The following STK39 variants were observed in gnomAD, a reference collection of about 807,000 sequenced individuals.
The protein encoded by STK39 is serine/threonine kinase 39, also known as STE20/SPS1-related proline-alanine-rich protein kinase.
In STK39, 20 loss-of-function variants were observed where a neutral mutation model predicts 77.8. That is an observed-to-expected ratio of 0.26 (90% CI 0.18 to 0.37). The LOEUF (loss-of-function observed/expected upper bound fraction) is 0.37. STK39 is among the 10% of genes least tolerant of loss of function. The pLI is 1.00. For missense variants in STK39, 479 were observed against 656.5 expected, an observed-to-expected ratio of 0.73 and a Z score of 2.95; for synonymous variants, 246 against 234.1, an observed-to-expected ratio of 1.05 and a Z score of -0.47.
intron 5 of STK39, among the ~76,000 whole-genome samples, chr2:168,142,623 C>T (rs1688012284): frequency 6.6e-6 from 1 of 152,082 alleles, no homozygotes; most frequent in South Asian, 2.1e-4. Context: ...TAGAAAACAG[C>T]CGAAAAAGAT....
At chr2:168,025,192 T>C (rs1055536036) in intron 14 of STK39, among the ~76,000 whole-genome samples, 8 of 152,330 alleles carry the variant, frequency 5.3e-5, no homozygotes, top group Middle Eastern at 3.4e-3. Flanking sequence ...TCTCCCTTGA[T>C]GATTAATTCC....
chr2:168,083,445 C>T (rs1424382070), intron 10 of STK39, among the ~76,000 whole-genome samples: 1 of 152,086 alleles, frequency 6.6e-6, no homozygotes, highest in Non-Finnish European at 1.5e-5. Context: ...CTACCAAGTT[C>T]TAGACCAAAG....
chr2:167,973,551 C>T (rs547206997), intron 16 of STK39, among the ~76,000 whole-genome samples: 1 of 152,188 alleles, frequency 6.6e-6, no homozygotes, highest in East Asian at 1.9e-4. Context: ...CTGTGTAAGT[C>T]GTGAAAAGAT....
At chr2:168,140,803 T>C (rs1228025391) in intron 5 of STK39, 45 bp from the exon 6 acceptor site, 1 of 1,474,942 alleles carries the variant, frequency 6.8e-7, no homozygotes, top group African/African-American at 1.4e-5. Flanking sequence ...TAAGACATTA[T>C]TGCTTATAAA....
intron 7 of STK39, among the ~76,000 whole-genome samples, chr2:168,138,460 T>C (rs1400644615): frequency 6.6e-6 from 1 of 152,240 alleles, no homozygotes; most frequent in African/African-American, 2.4e-5. Context: ...GCTCTATGTG[T>C]TAAGAATGAT....
chr2:168,215,717 C>G (rs770106092), intron 1 of STK39, among the ~76,000 whole-genome samples: 4 of 152,152 alleles, frequency 2.6e-5, no homozygotes, highest in South Asian at 2.1e-4. Context: ...TGTAAAGGAA[C>G]AGCAGCTGGA....
At chr2:167,972,439 G>T (rs1248246883) in intron 16 of STK39, among the ~76,000 whole-genome samples, 1 of 152,138 alleles carries the variant, frequency 6.6e-6, no homozygotes, top group Middle Eastern at 3.2e-3. Flanking sequence ...GGTCAGTTAG[G>T]TTCTTGGGAG....
intron 16 of STK39, among the ~76,000 whole-genome samples, chr2:167,971,697 G>C (rs530616847): frequency 4.5e-4 from 68 of 152,324 alleles, no homozygotes; most frequent in African/African-American, 1.5e-3. Flanking sequence ...AATTAAATCT[G>C]CTAATCTTTC....
At chr2:168,105,141 C>T (rs1284532922) in intron 10 of STK39, among the ~76,000 whole-genome samples, 1 of 152,188 alleles carries the variant, frequency 6.6e-6, no homozygotes, top group Non-Finnish European at 1.5e-5. Context: ...GTGATCCTGA[C>T]AGTGGTTAGG....
chr2:168,218,322 A>G (rs954957825), intron 1 of STK39, among the ~76,000 whole-genome samples: 2 of 152,198 alleles, frequency 1.3e-5, no homozygotes, highest in African/African-American at 4.8e-5. Context: ...AGCTCAGAAA[A>G]TTCCCCAAAA....
At chr2:168,015,376 C>T (rs780175770) in intron 15 of STK39, among the ~76,000 whole-genome samples, 5 of 152,208 alleles carry the variant, frequency 3.3e-5, no homozygotes, top group Admixed American at 1.3e-4. Flanking sequence ...GTCTAGAATA[C>T]AGACAGCATC....
chr2:168,037,743 A>C (rs1321190584), intron 14 of STK39, among the ~76,000 whole-genome samples: 7 of 152,168 alleles, frequency 4.6e-5, no homozygotes, highest in Non-Finnish European at 8.8e-5. Context: ...TGCAAAGTAA[A>C]AGAAATGGAA....
At chr2:167,956,290 G>A (rs1366834048) in intron 17 of STK39, among the ~76,000 whole-genome samples, 3 of 152,136 alleles carry the variant, frequency 2.0e-5, no homozygotes, top group East Asian at 1.9e-4. Context: ...CAGGCATGGC[G>A]GCTCACGCCT....
intron 16 of STK39, among the ~76,000 whole-genome samples, chr2:167,995,098 TA>T (rs67275848): frequency 0.35 from 51,868 of 150,130 alleles, 9,656 homozygotes; most frequent in Non-Finnish European, 0.4. Context: ...ATTATATATA[TA>T]TTTTTCTTTT....
rs1558897016 is a variant in STK39, at chr2:168,247,301, C to CGGGGCT, written c.134_135insAGCCCC (p.Pro49_Ala50dup). 9.7e-7 allele frequency: 1 copy of CGGGGCT among 1,033,872 alleles called. No individual in the cohort carries two copies. 64.0% of individuals were successfully genotyped at this position (1,033,872 alleles called of 1,614,324 possible). A position where few individuals can be genotyped will look rare whatever the true frequency, so the allele number is the denominator to read the frequency against. On this transcript the variant is annotated inframe_insertion, in exon 1 of 18. Transcript: ENST00000355999. ...CAGCCTGTGCCGCCGGGGCCGGGGC[C>CGGGGCT]GGGGCCGGGGCCGCGGGAGCTGCCG... is the stretch of plus-strand genomic sequence containing the variant.
intron 14 of STK39, among the ~76,000 whole-genome samples, chr2:168,045,283 A>C (rs1685209535): frequency 6.6e-6 from 1 of 152,128 alleles, no homozygotes; most frequent in South Asian, 2.1e-4. Context: ...CCTGCAGAGC[A>C]CAGCTAGAAG....
intron 1 of STK39, among the ~76,000 whole-genome samples, chr2:168,213,583 G>A (rs1473796272): frequency 6.6e-6 from 1 of 151,892 alleles, no homozygotes; most frequent in African/African-American, 2.4e-5. Flanking sequence ...CTACTCGGGA[G>A]GCTGAGGTGG....
intron 10 of STK39, among the ~76,000 whole-genome samples, chr2:168,126,088 T>A (rs1356374): frequency 0.35 from 52,896 of 152,050 alleles, 9,281 homozygotes; most frequent in Admixed American, 0.38. Context: ...TGACAGCAAA[T>A]TTCTAATCAA....
chr2:168,206,467 A>G (rs942204547), intron 1 of STK39, among the ~76,000 whole-genome samples: 8 of 151,784 alleles, frequency 5.3e-5, no homozygotes, highest in Non-Finnish European at 1.0e-4. Context: ...CACCCAGCTA[A>G]TTTTCGTTAT....
Sources: gnomAD v4.1 joint callset for allele counts (sites outside exome capture counted in the v4.1 genomes callset) on GRCh38, gnomAD v4.1.1 for gene constraint, MANE v1.5 for transcripts, NCBI Gene and HGNC (gene_info 2026-07-23, HGNC 2026-07-21) for gene names.